Variants in DMRT1 observed in about 807,000 individuals in gnomAD.
DMRT1 encodes doublesex- and mab-3-related transcription factor 1.
A neutral mutation model predicts 32.3 loss-of-function variants in DMRT1; 7 were observed. That is an observed-to-expected ratio of 0.22 (90% CI 0.12 to 0.41). The LOEUF (loss-of-function observed/expected upper bound fraction) is 0.41, where lower values mean the gene tolerates loss of function less well. Among genes scored for constraint, DMRT1 ranks in the 10% least tolerant of loss-of-function variants. The pLI is 1.00. For synonymous variants in DMRT1, 278 were observed against 206.1 expected (o/e 1.35, Z -2.99); for missense variants, 625 against 500.5 (o/e 1.25, Z -2.37).
At position 957,787 on chromosome 9, in the gene DMRT1, A is replaced by T. The variant is rs189167394; in HGVS notation, c.968-10198A>T. ...CACTTTGGGAGGCTGAGGCAGGTGGATCACCTGAGGTCAGGAGTTCGAGAC... is the reference window on the plus strand; with the variant it reads ...CACTTTGGGAGGCTGAGGCAGGTGGTTCACCTGAGGTCAGGAGTTCGAGAC... On this transcript the variant is annotated intron_variant, in intron 4 of 4. Coordinates refer to ENST00000382276, the MANE Select transcript of DMRT1 (RefSeq NM_021951.3). Among the ~76,000 whole-genome samples, 433 of 152,330 alleles carry T rather than the reference A, an allele frequency of 2.8e-3. 6 individuals are homozygous for T. The highest frequency in any genetic ancestry group is 0.01 in the African/African-American group (425 of 41,580).
Position 841,854 on chromosome 9 carries a change from G to C in DMRT1, c.16G>C (p.Ala6Pro). The stretch of plus-strand genomic sequence containing the variant: ...TAGGGGCACCATGCCCAACGACGAG[G>C]CATTCAGCAAGCCCTCTACACCGTC... MPNDE[A>P]FSKPSTPSEA... Residue 6 changes from alanine to proline, a missense_variant, in exon 1 of 5, where the codon GCA (alanine) becomes CCA (proline). Physicochemically the swap from Ala to Pro is conservative, Grantham distance 27 (BLOSUM62 -1). Around this residue, in one of 3 missense-constraint regions of DMRT1, gnomAD observed 201 missense variants for 152.0 expected, o/e 1.32. Transcript: ENST00000382276. 6.2e-7 allele frequency: 1 copy of C among 1,612,534 alleles called. No individual in the cohort carries two copies.
chr9:859,384 G>C (rs1257877580), intron 2 of DMRT1, among the ~76,000 whole-genome samples: 1 of 152,150 alleles, frequency 6.6e-6, no homozygotes, highest in Non-Finnish European at 1.5e-5. Flanking sequence ...GAGCCTAGGA[G>C]TGCCCTTAGT....
At chr9:923,196 C>T (rs1176145727) in intron 4 of DMRT1, among the ~76,000 whole-genome samples, 1 of 152,172 alleles carries the variant, frequency 6.6e-6, no homozygotes, top group African/African-American at 2.4e-5. Context: ...GGCTGCACCT[C>T]CCAAGTTTGC....
At chr9:930,606 C>T (rs1379892829) in intron 4 of DMRT1, among the ~76,000 whole-genome samples, 3 of 152,126 alleles carry the variant, frequency 2.0e-5, no homozygotes, top group Admixed American at 1.3e-4. Context: ...GACAGGGTTT[C>T]ACCATGTTAG....
intron 1 of DMRT1, 38 bp from the exon 2 acceptor site, chr9:846,922 G>A (rs768140970): frequency 3.1e-6 from 5 of 1,613,332 alleles, no homozygotes; most frequent in Non-Finnish European, 4.2e-6. Flanking sequence ...AGCTGATTCT[G>A]GAGTGCTGGA....
chr9:942,057 C>G (rs528527116), intron 4 of DMRT1, among the ~76,000 whole-genome samples: 10 of 152,324 alleles, frequency 6.6e-5, no homozygotes, highest in Admixed American at 6.5e-4. Flanking sequence ...AAGCCATCAT[C>G]TTCCTTTATT....
At chr9:902,189 C>CAT (rs1817611941) in intron 3 of DMRT1, among the ~76,000 whole-genome samples, 1 of 151,030 alleles carries the variant, frequency 6.6e-6, no homozygotes, top group African/African-American at 2.4e-5. Context: ...GGATTACAGG[C>CAT]GTGAGCCACC....
chr9:850,394 A>G (rs1228225170), intron 2 of DMRT1, among the ~76,000 whole-genome samples: 1 of 152,230 alleles, frequency 6.6e-6, no homozygotes, highest in African/African-American at 2.4e-5. Context: ...AGCTTCTTAG[A>G]TAGCTTCCTA....
chr9:861,050 C>CTTTTTTTTTTTTTTTT (rs140608243), intron 2 of DMRT1, among the ~76,000 whole-genome samples: 1 of 121,402 alleles, frequency 8.2e-6, no homozygotes, highest in Non-Finnish European at 1.8e-5. Context: ...AATTTACTTT[C>CTTTTTTTTTTTTTTTT]TTTTTTTTTT....
At chr9:867,644 G>A (rs370180881) in intron 2 of DMRT1, among the ~76,000 whole-genome samples, 5 of 152,158 alleles carry the variant, frequency 3.3e-5, no homozygotes, top group African/African-American at 9.7e-5. Context: ...AGTGGTGGAG[G>A]TGGAACTCAA....
chr9:875,852 G>C (rs1430199903), intron 2 of DMRT1, among the ~76,000 whole-genome samples: 2 of 152,142 alleles, frequency 1.3e-5, no homozygotes, highest in Admixed American at 6.5e-5. Flanking sequence ...CATATCCCAA[G>C]TTACCAGAGC....
At chr9:888,006 CCTG>C (rs1816997525) in intron 2 of DMRT1, among the ~76,000 whole-genome samples, 1 of 152,142 alleles carries the variant, frequency 6.6e-6, no homozygotes, top group South Asian at 2.1e-4. Flanking sequence ...TTTTGTAACA[CCTG>C]CTCCTCTGGA....
intron 3 of DMRT1, among the ~76,000 whole-genome samples, chr9:915,534 T>C (rs1375293681): frequency 1.3e-5 from 2 of 152,026 alleles, no homozygotes; most frequent in East Asian, 3.9e-4. Flanking sequence ...CCTTACTGCC[T>C]TCCGAGTTTT....
rs534106583 is a variant in DMRT1, at chr9:842,317, C to A, written c.354+125C>A. The stretch of plus-strand genomic sequence containing the variant: ...TGGCGCGATCTTGGCTCACTGCAAC[C>A]TCCGCTTCCCGGGTTCAAGCAATTC... On this transcript the variant is annotated intron_variant, in intron 1 of 4. Coordinates refer to ENST00000382276, the MANE Select transcript of DMRT1 (RefSeq NM_021951.3). 8 of 1,007,134 alleles carry A rather than the reference C, an allele frequency of 7.9e-6. No homozygotes were observed. The African/African-American group carries it at 1.7e-4, about 21-fold the overall frequency. The allele number at this position is 1,007,134 out of a possible 1,614,324, so 62.4% of individuals were successfully genotyped here.
At chr9:844,722 T>TC (rs1838829586) in intron 1 of DMRT1, among the ~76,000 whole-genome samples, 2 of 143,724 alleles carry the variant, frequency 1.4e-5, no homozygotes, top group South Asian at 4.6e-4. Flanking sequence ...TTTCTTTCTT[T>TC]TTTTTTTTTT....
At position 865,911 on chromosome 9, in the gene DMRT1, C is replaced by T. The variant is rs189884829; in HGVS notation, c.538+18768C>T. Among the ~76,000 whole-genome samples the T allele has an allele frequency of 4.9e-3, 740 of 152,164 alleles. 5 individuals are homozygous for T. The highest frequency in any genetic ancestry group is 0.017 in the African/African-American group (706 of 41,486). Reference sequence around the variant, plus strand: ...GCGCACGGTGGCTCACACCTGTAATCCCAGCACTTTGGGAGGCCAAGGTGG... The same window carrying T: ...GCGCACGGTGGCTCACACCTGTAATTCCAGCACTTTGGGAGGCCAAGGTGG... On this transcript the variant is annotated intron_variant, in intron 2 of 4. Transcript: ENST00000382276.
At chr9:931,242 G>A (rs1036053305) in intron 4 of DMRT1, among the ~76,000 whole-genome samples, 2 of 152,116 alleles carry the variant, frequency 1.3e-5, no homozygotes, top group Non-Finnish European at 1.5e-5. Flanking sequence ...GGAGGGGCTT[G>A]GTTTATTTTT....
In DMRT1 at chr9:952,651, C is replaced by T. The variant is rs528348226; in HGVS notation, c.968-15334C>T. 9.2e-5 allele frequency among the ~76,000 whole-genome samples: 14 copies of T among 152,260 alleles called. No individual in the cohort carries two copies. In the East Asian group the frequency reaches 1.4e-3, roughly 15 times the overall value. On this transcript the variant is annotated intron_variant, in intron 4 of 4. Transcript: ENST00000382276. ...TCTGACTGCTCTTTGCCCTGAGCTT[C>T]GAAGCCAGCCAATAATGCAGTGAGT...
chr9:894,080 C>G lies in DMRT1; in HGVS notation c.707C>G (p.Ala236Gly), dbSNP rs1343428754. Reference protein sequence around the residue: ...YNCPQYSMALAADSASGEVGN... With the variant: ...YNCPQYSMALGADSASGEVGN... ...TGCCCGCAGTACTCCATGGCCTTGG[C>G]TGCTGATTCTGCTTCTGGGGAGGTG... The change falls in exon 3 of 5, where the codon GCT becomes GGT. Residue 236 changes from alanine to glycine, a missense_variant. Physicochemically the swap from Ala to Gly is moderately conservative, Grantham distance 60. Around this residue, in one of 3 missense-constraint regions of DMRT1, gnomAD observed 416 missense variants for 321.6 expected, o/e 1.29. Transcript: ENST00000382276. 5 of 1,614,260 alleles carry G rather than the reference C, an allele frequency of 3.1e-6. No individual in the cohort carries two copies. Among genetic ancestry groups the G allele is most frequent in the South Asian group, 1.1e-5 (1 of 91,088 alleles).
Sources: allele counts gnomAD v4.1 joint callset (sites outside exome capture counted in the v4.1 genomes callset), GRCh38; gene constraint gnomAD v4.1.1; regional missense constraint gnomAD v4.1.1; transcripts MANE v1.5; gene names NCBI Gene and HGNC (gene_info 2026-07-23, HGNC 2026-07-21).